Variants in PALM2AKAP2 observed in about 807,000 individuals in gnomAD.
PALM2AKAP2 encodes PALM2 and AKAP2 fusion.
Under a neutral mutation model 71.5 loss-of-function variants are expected in PALM2AKAP2, and 37 were observed. The observed-to-expected ratio is 0.52, with a 90% CI of 0.40 to 0.68. The LOEUF is 0.68. Ranked by LOEUF, PALM2AKAP2 falls within the 30% of genes least tolerant of loss-of-function variation. The pLI is 0.00. For synonymous variants in PALM2AKAP2, 468 were observed against 478.8 expected (o/e 0.98, Z 0.29); for missense variants, 1,224 against 1,191.8 (o/e 1.03, Z -0.40).
chr9:110,124,603 CCT>C (rs1335941335), intron 1 of PALM2AKAP2, among the ~76,000 whole-genome samples: 11 of 152,254 alleles, frequency 7.2e-5, no homozygotes, highest in East Asian at 3.9e-4. Context: ...ACGCCAACTC[CCT>C]GTTAGACTTA....
At chr9:110,048,563 G>C, upstream of PALM2AKAP2, 1 of 856,294 alleles carries the variant, frequency 1.2e-6, no homozygotes, top group South Asian at 1.9e-5. Context: ...GATGGGGAGG[G>C]GAGGGGAGGG....
At chr9:109,911,864 G>A (rs1349917044) in intron 3 of PALM2AKAP2, among the ~76,000 whole-genome samples, 1 of 152,054 alleles carries the variant, frequency 6.6e-6, no homozygotes, top group Non-Finnish European at 1.5e-5. Context: ...TATAGATAGG[G>A]TTGGGAAGGA....
chr9:110,011,005 AAAAAAAAAAAT>A (rs1290582823), intron 6 of PALM2AKAP2, among the ~76,000 whole-genome samples: 2 of 114,472 alleles, frequency 1.7e-5, no homozygotes, highest in African/African-American at 8.3e-5. Context: ...TCAAAAAAAA[AAAAAAAAAAAT>A]ATATATATAT....
rs1284396870 is a variant in PALM2AKAP2 at position 110,077,733 on chromosome 9, T to C, written c.156+28878T>C. 2.0e-5 allele frequency among the ~76,000 whole-genome samples: 3 copies of C among 152,128 alleles called. No individual in the cohort carries two copies. The East Asian group carries it at 5.8e-4, about 29-fold the overall frequency. The stretch of plus-strand genomic sequence containing the variant: ...GCCAGACAGAAAATATTGTAGGTCT[T>C]AGCCGAGTGCAGTGGCTCACGCCTG... On this transcript the variant is annotated intron_variant, in intron 1 of 3. Transcript: ENST00000374525.
At chr9:109,768,552 A>G (rs187478897) in intron 1 of PALM2AKAP2, among the ~76,000 whole-genome samples, 1 of 152,264 alleles carries the variant, frequency 6.6e-6, no homozygotes, top group Admixed American at 6.5e-5. Flanking sequence ...GAAATATGCA[A>G]TTTTTTAAAT....
chr9:109,769,118 A>G (rs576317706), intron 1 of PALM2AKAP2, among the ~76,000 whole-genome samples: 2 of 150,822 alleles, frequency 1.3e-5, no homozygotes, highest in South Asian at 4.3e-4. Flanking sequence ...AGTAGTTTTT[A>G]CTGACATTAG....
intron 1 of PALM2AKAP2, among the ~76,000 whole-genome samples, chr9:110,049,783 G>T (rs964509818): frequency 1.2e-4 from 19 of 152,236 alleles, no homozygotes; most frequent in African/African-American, 4.6e-4. Flanking sequence ...ACGGAGCCCG[G>T]GAGAGCCGGA....
At chr9:110,037,509 A>G (rs1221651084) in intron 7 of PALM2AKAP2, among the ~76,000 whole-genome samples, 1 of 152,224 alleles carries the variant, frequency 6.6e-6, no homozygotes, top group Admixed American at 6.5e-5. Flanking sequence ...CCCGGCTTCA[A>G]CAACAAATAT....
At chr9:110,108,472 C>G (rs1192522038) in intron 1 of PALM2AKAP2, among the ~76,000 whole-genome samples, 1 of 151,986 alleles carries the variant, frequency 6.6e-6, no homozygotes, top group Non-Finnish European at 1.5e-5. Flanking sequence ...AAATTAATTG[C>G]CAAAAATTTA....
At chr9:109,691,135 G>C (rs954264388) in intron 1 of PALM2AKAP2, among the ~76,000 whole-genome samples, 2 of 150,078 alleles carry the variant, frequency 1.3e-5, no homozygotes, top group African/African-American at 4.9e-5. Flanking sequence ...AAAGTGCTTC[G>C]ATCTCTGAGA....
chr9:110,001,353 G>T (rs550012369), intron 6 of PALM2AKAP2, among the ~76,000 whole-genome samples: 1 of 152,278 alleles, frequency 6.6e-6, no homozygotes, highest in African/African-American at 2.4e-5. Context: ...TGAGGGCTCT[G>T]TTCTGTTCCA....
intron 6 of PALM2AKAP2, among the ~76,000 whole-genome samples, chr9:110,003,409 T>A (rs998195778): frequency 2.6e-5 from 4 of 152,200 alleles, no homozygotes; most frequent in African/African-American, 9.7e-5. Context: ...TTGTTATAAT[T>A]TCTATTCTTT....
intron 1 of PALM2AKAP2, among the ~76,000 whole-genome samples, chr9:109,742,947 C>T (rs1187030998): frequency 6.6e-6 from 1 of 152,164 alleles, no homozygotes; most frequent in Non-Finnish European, 1.5e-5. Flanking sequence ...GAGCCACCTC[C>T]CTGAGGGAAG....
At chr9:109,932,784 G>A (rs778500884) in intron 6 of PALM2AKAP2, among the ~76,000 whole-genome samples, 5 of 152,186 alleles carry the variant, frequency 3.3e-5, no homozygotes, top group African/African-American at 9.7e-5. Flanking sequence ...ATTGCCCAAG[G>A]TTGCATGGTT....
chr9:109,721,262 A>G (rs958318804), intron 1 of PALM2AKAP2, among the ~76,000 whole-genome samples: 7 of 152,188 alleles, frequency 4.6e-5, no homozygotes, highest in Non-Finnish European at 7.3e-5. Context: ...CTGAGCTCAC[A>G]CTGTGAAGGC....
intron 6 of PALM2AKAP2, 64 bp downstream of exon 6, chr9:109,932,092 T>C (rs1831117391): frequency 6.7e-7 from 1 of 1,494,164 alleles, no homozygotes; most frequent in Non-Finnish European, 9.1e-7. Context: ...CTGAGCTTTA[T>C]TAATGAGATG....
At chr9:109,716,499 T>C (rs1290114858) in intron 1 of PALM2AKAP2, among the ~76,000 whole-genome samples, 3 of 152,238 alleles carry the variant, frequency 2.0e-5, no homozygotes, top group South Asian at 2.1e-4. Flanking sequence ...GCTATACTTA[T>C]ACTGCTGTTT....
intron 6 of PALM2AKAP2, among the ~76,000 whole-genome samples, chr9:109,949,047 A>T (rs1407832125): frequency 1.3e-5 from 2 of 152,240 alleles, no homozygotes; most frequent in South Asian, 2.1e-4. Context: ...AGAGCTGTGA[A>T]TTTCATTACA....
At chr9:109,911,469 G>C (rs116986372) in intron 3 of PALM2AKAP2, among the ~76,000 whole-genome samples, 4,083 of 152,244 alleles carry the variant, frequency 0.027, 83 homozygotes, top group Middle Eastern at 0.048. Flanking sequence ...CTTATGGAGA[G>C]AGAAATTTTC....
Sources: gnomAD v4.1 joint callset for allele counts (sites outside exome capture counted in the v4.1 genomes callset) on GRCh38, gnomAD v4.1.1 for gene constraint, MANE v1.5 for transcripts, NCBI Gene and HGNC (gene_info 2026-07-23, HGNC 2026-07-21) for gene names.